ROBO1: variants seen among roughly 807,000 people sequenced by gnomAD.
ROBO1 encodes the protein roundabout homolog 1.
In ROBO1, 149 loss-of-function variants were observed where a neutral mutation model predicts 195.9. That is an observed-to-expected ratio of 0.76 (90% confidence interval 0.67 to 0.87). The LOEUF (loss-of-function observed/expected upper bound fraction) is 0.87. ROBO1 is among the 40% of genes least tolerant of loss of function. ROBO1 has a pLI of 0.00. For synonymous variants in ROBO1, 816 were observed against 733.2 expected (o/e 1.11, Z -1.82); for missense variants, 1,933 against 2,068.3 (o/e 0.93, Z 1.27).
intron 4 of ROBO1, among the ~76,000 whole-genome samples, chr3:78,829,200 A>T (rs542917941): frequency 6.2e-4 from 94 of 152,328 alleles, no homozygotes; most frequent in African/African-American, 2.1e-3. Context: ...AATTCCCTTT[A>T]AAAAACTAGC....
chr3:78,766,795 T>C (rs1227031335), intron 4 of ROBO1, among the ~76,000 whole-genome samples: 2 of 152,226 alleles, frequency 1.3e-5, no homozygotes, highest in African/African-American at 2.4e-5. Context: ...ATGTCCCTTG[T>C]ATGCCAATCT....
chr3:78,857,746 C>T (rs2034542042), intron 4 of ROBO1, among the ~76,000 whole-genome samples: 1 of 152,120 alleles, frequency 6.6e-6, no homozygotes, highest in African/African-American at 2.4e-5. Flanking sequence ...AGGAAATTTG[C>T]CTAAGGATAC....
intron 2 of ROBO1, among the ~76,000 whole-genome samples, chr3:79,230,389 C>T (rs1303211111): frequency 1.8e-4 from 27 of 152,206 alleles, no homozygotes; most frequent in East Asian, 7.7e-4. Context: ...TAGATTGCTG[C>T]GGTGATAGCT....
intron 3 of ROBO1, among the ~76,000 whole-genome samples, chr3:78,988,744 T>A (rs149240409): frequency 6.6e-6 from 1 of 152,326 alleles, no homozygotes; most frequent in East Asian, 1.9e-4. Flanking sequence ...AAATGGGCTG[T>A]TACATTCCAT....
chr3:79,640,289 A>AC (rs1365942354), intron 1 of ROBO1, among the ~76,000 whole-genome samples: 9 of 152,164 alleles, frequency 5.9e-5, no homozygotes, highest in Non-Finnish European at 1.2e-4. Context: ...ATTAGCTTAA[A>AC]ATATTAAATT....
intron 5 of ROBO1, among the ~76,000 whole-genome samples, chr3:78,728,931 A>C (rs2082224967): frequency 6.6e-6 from 1 of 152,226 alleles, no homozygotes; most frequent in Non-Finnish European, 1.5e-5. Flanking sequence ...TTGAAAACCA[A>C]CATGAATTCA....
rs949728655 is a variant in ROBO1, at chr3:79,405,352, C to T, written c.88+184472G>A. On this transcript the variant is annotated intron_variant, in intron 2 of 30. Transcript: ENST00000464233. ...ATAAATATTTGCTCTACAAAGAGGT[C>T]AGTGACAATTGTATGTTATGACATG... 1.1e-4 allele frequency among the ~76,000 whole-genome samples: 16 copies of T among 152,158 alleles called. No homozygotes were observed. The South Asian group carries it at 1.7e-3, about 16-fold the overall frequency.
At chr3:79,269,380 A>G (rs191892127) in intron 2 of ROBO1, among the ~76,000 whole-genome samples, 1 of 151,780 alleles carries the variant, frequency 6.6e-6, no homozygotes, top group African/African-American at 2.4e-5. Context: ...TCCTTACGCC[A>G]TATAACTATT....
Position 78,677,773 on chromosome 3 carries a change from A to C in ROBO1, c.1343-7472T>G, listed in dbSNP as rs1418262151. On this transcript the variant is annotated intron_variant, in intron 10 of 30. Coordinates refer to ENST00000464233, the MANE Select transcript of ROBO1 (RefSeq NM_002941.4). ...AACATTAGACAGATCGACAAGACAG[A>C]AAGTTAACAAGCATACCCAGGAATT... Among the ~76,000 whole-genome samples the C allele has an allele frequency of 3.9e-5, 6 of 152,180 alleles. No homozygotes were observed. The East Asian group carries it at 1.2e-3, about 29-fold the overall frequency.
At chr3:79,124,623 A>G (rs2080180844) in intron 3 of ROBO1, among the ~76,000 whole-genome samples, 1 of 152,134 alleles carries the variant, frequency 6.6e-6, no homozygotes, top group Non-Finnish European at 1.5e-5. Flanking sequence ...AGCAAAGTCT[A>G]TGGAGAACTG....
chr3:79,515,561 A>G (rs1252203018), intron 2 of ROBO1, among the ~76,000 whole-genome samples: 2 of 152,162 alleles, frequency 1.3e-5, no homozygotes, highest in East Asian at 1.9e-4. Context: ...ATAATATCCA[A>G]TGCCATTTTG....
chr3:79,300,340 G>A (rs2032851223), intron 2 of ROBO1, among the ~76,000 whole-genome samples: 1 of 152,216 alleles, frequency 6.6e-6, no homozygotes, highest in African/African-American at 2.4e-5. Flanking sequence ...CCGGCCCCAG[G>A]CAATGAGGGG....
At chr3:79,667,832 T>G (rs6808602) in intron 1 of ROBO1, among the ~76,000 whole-genome samples, 42,798 of 151,522 alleles carry the variant, frequency 0.28, 6,881 homozygotes, top group African/African-American at 0.45. Flanking sequence ...CCAATATCCT[T>G]AAAATAACTT....
intron 2 of ROBO1, among the ~76,000 whole-genome samples, chr3:79,431,985 T>C (rs528683795): frequency 1.3e-5 from 2 of 152,064 alleles, no homozygotes; most frequent in African/African-American, 2.4e-5. Flanking sequence ...AAAATGACAA[T>C]GTGCAAAGTG....
intron 1 of ROBO1, among the ~76,000 whole-genome samples, chr3:79,671,356 C>T (rs7620423): frequency 0.28 from 42,885 of 151,584 alleles, 6,907 homozygotes; most frequent in African/African-American, 0.45. Flanking sequence ...ATGAAAAATC[C>T]AGAGAAAACA....
intron 2 of ROBO1, among the ~76,000 whole-genome samples, chr3:79,338,014 A>C (rs1473672738): frequency 6.6e-6 from 1 of 152,232 alleles, no homozygotes; most frequent in African/African-American, 2.4e-5. Flanking sequence ...CAAAACCTAC[A>C]ATAAAAATTT....
intron 2 of ROBO1, among the ~76,000 whole-genome samples, chr3:79,428,115 A>G (rs1331695189): frequency 1.3e-5 from 2 of 152,120 alleles, no homozygotes; most frequent in Admixed American, 6.6e-5. Flanking sequence ...GAAAGCATCT[A>G]ATAATCTGAT....
At position 78,828,673 on chromosome 3, in the gene ROBO1, G is replaced by C. The variant is rs75765258; in HGVS notation, c.500-81773C>G. Reference sequence around the variant, plus strand: ...ATCATGGAATATTGTAACCATTATTGGATCTCAGAATATTTCTGATCTCTT... The same window carrying C: ...ATCATGGAATATTGTAACCATTATTCGATCTCAGAATATTTCTGATCTCTT... On this transcript the variant is annotated intron_variant, in intron 4 of 30. Transcript: ENST00000464233. Among the ~76,000 whole-genome samples, 32 of 152,090 alleles carry C rather than the reference G, an allele frequency of 2.1e-4. No homozygotes were observed. The East Asian group carries it at 6.2e-3, about 29-fold the overall frequency.
rs372761358 is a variant in ROBO1 at position 78,681,279 on chromosome 3, C to T, written c.1342+4467G>A. Among the ~76,000 whole-genome samples, 9 of 151,976 alleles carry T rather than the reference C, an allele frequency of 5.9e-5. No homozygotes were observed. The East Asian group carries it at 1.2e-3, about 20-fold the overall frequency. ...AGCACAGCAGCATGGCACATGTATA[C>T]ATATGTAACTAACCTGCACATTGTG... On this transcript the variant is annotated intron_variant, in intron 10 of 30. Coordinates refer to ENST00000464233, the MANE Select transcript of ROBO1 (RefSeq NM_002941.4).
Sources: gnomAD v4.1 joint callset for allele counts (sites outside exome capture counted in the v4.1 genomes callset) on GRCh38, gnomAD v4.1.1 for gene constraint, MANE v1.5 for transcripts, NCBI Gene and HGNC (gene_info 2026-07-23, HGNC 2026-07-21) for gene names.